STXBP4: variants seen among roughly 807,000 people sequenced by gnomAD.
STXBP4 encodes syntaxin-binding protein 4.
STXBP4 carries 55 observed loss-of-function variants against 76.1 expected under a neutral mutation model. The observed-to-expected ratio is 0.72, with a 90% CI of 0.58 to 0.91. STXBP4 has a LOEUF of 0.91. Among genes scored for constraint, STXBP4 ranks in the 40% least tolerant of loss-of-function variants. STXBP4 has a pLI of 0.00. For synonymous variants in STXBP4, 201 were observed against 220.2 expected (o/e 0.91, Z 0.77); for missense variants, 618 against 636.9 (o/e 0.97, Z 0.32).
chr17:55,132,380 G>A (rs112299871), intron 16 of STXBP4, among the ~76,000 whole-genome samples: 6,423 of 151,964 alleles, frequency 0.042, 230 homozygotes, highest in East Asian at 0.2. Context: ...TAGTAGAGAC[G>A]GGGTTTCACC....
the STXBP4 span, among the ~76,000 whole-genome samples, chr17:55,181,255 A>T: frequency 6.6e-6 from 1 of 152,258 alleles, no homozygotes; most frequent in South Asian, 2.1e-4. Flanking sequence ...AAAAGTCCTC[A>T]TGCTATCAAT....
intron 8 of STXBP4, among the ~76,000 whole-genome samples, chr17:55,011,848 C>G (rs1274517570): frequency 6.6e-6 from 1 of 152,150 alleles, no homozygotes; most frequent in African/African-American, 2.4e-5. Context: ...TCAGTCCCCC[C>G]TCTCAACAGG....
chr17:55,113,648 T>C (rs1241545587), intron 16 of STXBP4, among the ~76,000 whole-genome samples: 2 of 152,148 alleles, frequency 1.3e-5, no homozygotes, highest in Non-Finnish European at 2.9e-5. Context: ...AAAAAAGTGT[T>C]AAACTTTATT....
intron 11 of STXBP4, among the ~76,000 whole-genome samples, chr17:55,045,718 G>C (rs550940059): frequency 4.3e-4 from 66 of 151,994 alleles, no homozygotes; most frequent in Non-Finnish European, 8.8e-4. Flanking sequence ...AGCTCAGTTG[G>C]TTAGAATATG....
intron 8 of STXBP4, among the ~76,000 whole-genome samples, chr17:55,012,481 C>T (rs2078132843): frequency 6.6e-6 from 1 of 152,138 alleles, no homozygotes; most frequent in African/African-American, 2.4e-5. Context: ...CAGTGTAAGA[C>T]TTCCACCTCT....
intron 4 of STXBP4, among the ~76,000 whole-genome samples, chr17:54,994,361 T>C (rs971672269): frequency 7.2e-5 from 11 of 152,316 alleles, no homozygotes; most frequent in African/African-American, 2.4e-4. Flanking sequence ...GCAGAACTCA[T>C]GACATTTACA....
intron 10 of STXBP4, among the ~76,000 whole-genome samples, chr17:55,040,115 G>C (rs1247864906): frequency 6.6e-6 from 1 of 152,040 alleles, no homozygotes; most frequent in Non-Finnish European, 1.5e-5. Flanking sequence ...TGTGCAGAAG[G>C]GTAGGTGAGA....
chr17:55,030,575 T>G (rs893293381), intron 8 of STXBP4, among the ~76,000 whole-genome samples: 2 of 152,318 alleles, frequency 1.3e-5, no homozygotes, highest in Non-Finnish European at 2.9e-5. Flanking sequence ...GAATGGACAT[T>G]GGAATACAAT....
intron 14 of STXBP4, among the ~76,000 whole-genome samples, chr17:55,078,461 C>T (rs1598291992): frequency 6.6e-6 from 1 of 152,112 alleles, no homozygotes; most frequent in East Asian, 1.9e-4. Context: ...CCTGATAATG[C>T]ATAAACATTA....
intron 15 of STXBP4, 129 bp from the exon 16 acceptor site, chr17:55,080,921 A>G: frequency 2.3e-6 from 2 of 859,122 alleles, no homozygotes; most frequent in Non-Finnish European, 3.1e-6. Flanking sequence ...AATTTTGGTT[A>G]TATGAAATAA....
intron 15 of STXBP4, among the ~76,000 whole-genome samples, 179 bp from the exon 16 acceptor site, chr17:55,080,871 A>G (rs1401654498): frequency 3.3e-5 from 5 of 152,310 alleles, no homozygotes; most frequent in African/African-American, 1.2e-4. Context: ...TATGTCGTAA[A>G]TAATTGAAAA....
At chr17:54,985,268 G>A (rs1469971566) in intron 1 of STXBP4, among the ~76,000 whole-genome samples, 10 of 152,200 alleles carry the variant, frequency 6.6e-5, no homozygotes, top group African/African-American at 2.2e-4. Context: ...TGAGAACCCA[G>A]GCCTATCAGA....
In STXBP4 at chr17:55,000,842, CA is replaced by C; in HGVS notation, c.535del (p.Ile179LeufsTer31). 6.2e-7 allele frequency: 1 copy of C among 1,610,492 alleles called. No individual in the cohort carries two copies. Among genetic ancestry groups the C allele is most frequent in the Non-Finnish European group, 8.5e-7 (1 of 1,177,266 alleles). Reference sequence around the variant, plus strand: ...GGATACAACAAAACAGTACAGATTCCAATTACTTCAGAAAACAGTACTGTGG... The same window carrying C: ...GGATACAACAAAACAGTACAGATTCCATTACTTCAGAAAACAGTACTGTGG... ...KTGYNKTVQI[P>X]ITSENSTVGL... is the part of the protein sequence containing the mutation. On this transcript the variant is annotated frameshift_variant, in exon 7 of 18. Transcript: ENST00000376352. LOFTEE classifies it high-confidence loss of function.
chr17:55,181,488 T>G, the STXBP4 span, among the ~76,000 whole-genome samples: 2 of 152,194 alleles, frequency 1.3e-5, no homozygotes, highest in African/African-American at 4.8e-5. Flanking sequence ...AATGTTATTT[T>G]CACCTTAAAA....
chr17:55,176,616 A>C (rs2080431928), downstream of STXBP4, among the ~76,000 whole-genome samples: 1 of 152,216 alleles, frequency 6.6e-6, no homozygotes. Context: ...CGGTGTGATC[A>C]TTAATTTTAT....
intron 16 of STXBP4, among the ~76,000 whole-genome samples, chr17:55,093,533 A>G (rs2079444957): frequency 6.6e-6 from 1 of 152,026 alleles, no homozygotes; most frequent in South Asian, 2.1e-4. Context: ...AACCACAACA[A>G]ATATTTGTGG....
intron 8 of STXBP4, among the ~76,000 whole-genome samples, chr17:55,024,978 A>C (rs2078385627): frequency 6.6e-6 from 1 of 151,942 alleles, no homozygotes; most frequent in African/African-American, 2.4e-5. Flanking sequence ...TCTACTAAAA[A>C]AAAATACAAA....
rs1254725508 is a variant in STXBP4, at chr17:55,140,741, G to A, written c.1490-569G>A. On this transcript the variant is annotated intron_variant, in intron 16 of 17. Transcript: ENST00000376352. ...GCTAAGTTTAGCAAATTGTTTGGCC[G>A]TTTATGTTTAGTGCACAAAATTCTT... 2.6e-5 allele frequency among the ~76,000 whole-genome samples: 4 copies of A among 152,144 alleles called. No individual in the cohort carries two copies. The South Asian group carries it at 8.3e-4, about 31-fold the overall frequency.
chr17:55,011,697 T>C (rs1199932551), intron 8 of STXBP4, among the ~76,000 whole-genome samples: 2 of 152,064 alleles, frequency 1.3e-5, no homozygotes, highest in Admixed American at 6.5e-5. Context: ...CTAATTAGCA[T>C]TTTAGTGAGC....
Sources: allele counts gnomAD v4.1 joint callset (sites outside exome capture counted in the v4.1 genomes callset), GRCh38; gene constraint gnomAD v4.1.1; transcripts MANE v1.5; gene names NCBI Gene and HGNC (gene_info 2026-07-23, HGNC 2026-07-21).